Variants in TKTL2 observed in about 807,000 individuals in gnomAD.
TKTL2 encodes the protein transketolase like 2.
For synonymous variants in TKTL2, 259 were observed against 294.1 expected (o/e 0.88, Z 1.22); for missense variants, 825 against 799.4 (o/e 1.03, Z -0.39).
At position 163,472,134 on chromosome 4, in the gene TKTL2, C is replaced by G; in HGVS notation, c.1601G>C (p.Arg534Pro). ...DHLSQQGISV[R>P]VIDPFTIKPL... The stretch of plus-strand genomic sequence containing the variant: ...TTTAATGGTAAATGGGTCGATGACA[C>G]GGACAGAAATACCTTGTTGAGAAAG... Residue 534 changes from arginine (R) to proline (P), a missense_variant, in exon 1 of 1, where the codon CGT becomes CCT. By Grantham distance (103) the Arg-to-Pro change is moderately radical (BLOSUM62 -2). Coordinates refer to ENST00000280605, the MANE Select transcript of TKTL2 (RefSeq NM_032136.5). 6.2e-7 allele frequency: 1 copy of G among 1,614,140 alleles called. No homozygotes were observed. The highest frequency in any genetic ancestry group is 8.5e-7 in the Non-Finnish European group (1 of 1,180,038).
At position 163,473,582 on chromosome 4, in the gene TKTL2, G is replaced by A; in HGVS notation, c.153C>T (p.Val51=). ...SCCSAAEVVS[V]LFFHTMKYKQ... ...TATACTTCATCGTGTGGAAGAAGAG[G>A]ACAGACACGACCTCCGCTGCACTGC... The change falls in exon 1 of 1, where the codon GTC becomes GTT. Residue 51 remains valine, a synonymous_variant. Coordinates refer to ENST00000280605, the MANE Select transcript of TKTL2 (RefSeq NM_032136.5). 1 of 1,614,104 alleles carries A rather than the reference G, an allele frequency of 6.2e-7. No homozygotes were observed. The highest frequency in any genetic ancestry group is 8.5e-7 in the Non-Finnish European group (1 of 1,180,000).
At position 163,473,264 on chromosome 4, in the gene TKTL2, G is replaced by C. The variant is rs530284952; in HGVS notation, c.471C>G (p.Gly157=). ...SYRVFCLMGD[G]ESSEGSVWEA... ...CCCACACAGAGCCTTCTGAGGATTC[G>C]CCATCTCCCATAAGGCAGAACACCC... Residue 157 remains glycine (G), a synonymous_variant, in exon 1 of 1, where the codon GGC becomes GGG. Transcript: ENST00000280605. 6.2e-7 allele frequency: 1 copy of C among 1,613,804 alleles called. No individual in the cohort carries two copies. Among genetic ancestry groups the C allele is most frequent in the Non-Finnish European group, 8.5e-7 (1 of 1,179,976 alleles).
chr4:163,472,633 T>C lies in TKTL2; in HGVS notation c.1102A>G (p.Ile368Val). Residue 368 changes from isoleucine (I) to valine (V), a missense_variant, in exon 1 of 1, where the codon ATT (isoleucine) becomes GTT (valine). Ile to Val is a conservative substitution (Grantham distance 29). Coordinates refer to ENST00000280605, the MANE Select transcript of TKTL2 (RefSeq NM_032136.5). ...EHPERFIECI[I>V]AEQNMVSVAL... ...ACACTTACCATGTTTTGTTCAGCAA[T>C]AATACACTCTATGAAACGCTCAGGG... 2 of 1,614,220 alleles carry C rather than the reference T, an allele frequency of 1.2e-6. No individual in the cohort carries two copies. Among genetic ancestry groups the C allele is most frequent in the Non-Finnish European group, 1.7e-6 (2 of 1,180,042 alleles).
rs760651697 is a variant in TKTL2, at chr4:163,473,026, T to A, written c.709A>T (p.Asn237Tyr). Residue 237 changes from asparagine to tyrosine, a missense_variant, in exon 1 of 1, where the codon AAC becomes TAC. Transcript: ENST00000280605. ...TTGGCAACTATAGCAGTAGGCTTGT[T>A]CTTCACTTGACTTGCTTGCCAAAAT... Reference protein sequence around the residue: ...QAFWQASQVKNKPTAIVAKTF... With the variant: ...QAFWQASQVKYKPTAIVAKTF... The A allele has an allele frequency of 3.1e-6, 5 of 1,614,064 alleles. No individual in the cohort carries two copies. The highest frequency in any genetic ancestry group is 1.7e-5 in the Admixed American group (1 of 60,006).
Position 163,472,371 on chromosome 4 carries a change from G to A in TKTL2, c.1364C>T (p.Ala455Val). 1 of 1,601,538 alleles carries A rather than the reference G, an allele frequency of 6.2e-7. No individual in the cohort carries two copies. Among genetic ancestry groups the A allele is most frequent in the South Asian group, 1.1e-5 (1 of 88,564 alleles). ...PNCTVFYPSDAISTEHAIYLA... is the reference protein window; with the variant it reads ...PNCTVFYPSDVISTEHAIYLA... ...ATAAATAGCATGCTCTGTCGAGATG[G>A]CATCACTTGGATAGAAAACAGTACA... The change falls in exon 1 of 1, where the codon GCC becomes GTC. Residue 455 changes from alanine to valine, a missense_variant. Physicochemically the swap from Ala to Val is moderately conservative, Grantham distance 64 (BLOSUM62 0). Transcript: ENST00000280605.
chr4:163,472,655 A>C lies in TKTL2; in HGVS notation c.1080T>G (p.Pro360=). 6.2e-7 allele frequency: 1 copy of C among 1,614,196 alleles called. No homozygotes were observed. The highest frequency in any genetic ancestry group is 8.5e-7 in the Non-Finnish European group (1 of 1,180,028). The change falls in exon 1 of 1, where the codon CCT becomes CCG. Residue 360 remains proline (P), a synonymous_variant. Coordinates refer to ENST00000280605, the MANE Select transcript of TKTL2 (RefSeq NM_032136.5). ...TFSEIFRKEH[P]ERFIECIIAE... ...CAATAATACACTCTATGAAACGCTC[A>C]GGGTGTTCTTTCCTGAATATCTCAG... is the stretch of plus-strand genomic sequence containing the variant.
rs1205084713 is a variant in TKTL2, at chr4:163,472,204, CA to C, written c.1530del (p.Ile510MetfsTer11). ...GCTTCATGGAGAGTAACTCCAGCTC[CA>C]ATTACTGTGACTTTATCATTGACAC... Reference protein sequence around the residue: ...RHGVNDKVTVIGAGVTLHEAL... With the variant: ...RHGVNDKVTVXGAGVTLHEAL... On this transcript the variant is annotated frameshift_variant, in exon 1 of 1. Coordinates refer to ENST00000280605, the MANE Select transcript of TKTL2 (RefSeq NM_032136.5). LOFTEE classifies it low-confidence loss of function (END_TRUNC). The C allele has an allele frequency of 1.2e-6, 2 of 1,614,194 alleles. No homozygotes were observed. The highest frequency in any genetic ancestry group is 1.7e-6 in the Non-Finnish European group (2 of 1,180,036).
Position 163,473,391 on chromosome 4 carries a change from CG to C in TKTL2, c.343del (p.Arg115AspfsTer12). 1.9e-6 allele frequency: 3 copies of C among 1,613,840 alleles called. No individual in the cohort carries two copies. Among genetic ancestry groups the C allele is most frequent in the African/African-American group, 2.7e-5 (2 of 74,976 alleles). On this transcript the variant is annotated frameshift_variant, in exon 1 of 1. Transcript: ENST00000280605. LOFTEE classifies it low-confidence loss of function (END_TRUNC). Reference protein sequence around the residue: ...HSDLERHPTPRLPFVDVATGS... With the variant: ...HSDLERHPTPXLPFVDVATGS... ...TGTTGCCACGTCAACAAACGGCAAT[CG>C]GGGGGTAGGGTGTCTCTCCAAGTCG... is the stretch of plus-strand genomic sequence containing the variant.
chr4:163,472,825 C>A lies in TKTL2; in HGVS notation c.910G>T (p.Asp304Tyr). 1 of 1,566,210 alleles carries A rather than the reference C, an allele frequency of 6.4e-7. No individual in the cohort carries two copies. Among genetic ancestry groups the A allele is most frequent in the Non-Finnish European group, 8.6e-7 (1 of 1,158,912 alleles). Residue 304 changes from aspartate to tyrosine, a missense_variant, in exon 1 of 1, where the codon GAT becomes TAT. By Grantham distance (160) the Asp-to-Tyr change is radical (BLOSUM62 -3). Coordinates refer to ENST00000280605, the MANE Select transcript of TKTL2 (RefSeq NM_032136.5). The stretch of plus-strand genomic sequence containing the variant: ...GCAGGTGGGGAGGTCATTTTTATAT[C>A]TGTGATGCTTATTTGAGGTGAGTCT... ...VEDSPQISIT[D>Y]IKMTSPPAYK...
Position 163,473,343 on chromosome 4 carries a change from C to A in TKTL2, c.392G>T (p.Gly131Val). The A allele has an allele frequency of 6.2e-7, 1 of 1,614,028 alleles. No homozygotes were observed. The highest frequency in any genetic ancestry group is 8.5e-7 in the Non-Finnish European group (1 of 1,180,010). ...AGTATAAGCCATTCCACATGCAGTA[C>A]CTAATCCCTGACCTAGGGACCCTGT... ...VATGSLGQGL[G>V]TACGMAYTGK... The change falls in exon 1 of 1, where the codon GGT (glycine) becomes GTT (valine). Residue 131 changes from glycine (G) to valine (V), a missense_variant. Coordinates refer to ENST00000280605, the MANE Select transcript of TKTL2 (RefSeq NM_032136.5).
Position 163,473,577 on chromosome 4 carries a change from A to T in TKTL2, c.158T>A (p.Phe53Tyr). The T allele has an allele frequency of 6.2e-7, 1 of 1,614,118 alleles. No homozygotes were observed. The part of the protein sequence containing the change: ...CSAAEVVSVL[F>Y]FHTMKYKQTD... ...CTGTTTATACTTCATCGTGTGGAAG[A>T]AGAGGACAGACACGACCTCCGCTGC... is the stretch of plus-strand genomic sequence containing the variant. Residue 53 changes from phenylalanine (F) to tyrosine (Y), a missense_variant, in exon 1 of 1, where the codon TTC becomes TAC. By Grantham distance (22) the Phe-to-Tyr change is conservative. Coordinates refer to ENST00000280605, the MANE Select transcript of TKTL2 (RefSeq NM_032136.5).
chr4:163,473,314 T>C lies in TKTL2; in HGVS notation c.421A>G (p.Lys141Glu). The C allele has an allele frequency of 6.2e-7, 1 of 1,614,008 alleles. No individual in the cohort carries two copies. Among genetic ancestry groups the C allele is most frequent in the Non-Finnish European group, 8.5e-7 (1 of 1,180,006 alleles). The change falls in exon 1 of 1, where the codon AAG (lysine) becomes GAG (glutamate). Residue 141 changes from lysine (K) to glutamate (E), a missense_variant. By Grantham distance (56) the Lys-to-Glu change is moderately conservative. Coordinates refer to ENST00000280605, the MANE Select transcript of TKTL2 (RefSeq NM_032136.5). ...CGGTAGCTGGCCTTGTCAAGGTACT[T>C]GCCAGTATAAGCCATTCCACATGCA... ...GTACGMAYTGKYLDKASYRVF... is the reference protein window; with the variant it reads ...GTACGMAYTGEYLDKASYRVF...
Position 163,472,362 on chromosome 4 carries a change from G to A in TKTL2, c.1373C>T (p.Thr458Ile). Reference protein sequence around the residue: ...TVFYPSDAISTEHAIYLAANT... With the variant: ...TVFYPSDAISIEHAIYLAANT... Reference sequence around the variant, plus strand: ...GGCGGCTAGATAAATAGCATGCTCTGTCGAGATGGCATCACTTGGATAGAA... The same window carrying A: ...GGCGGCTAGATAAATAGCATGCTCTATCGAGATGGCATCACTTGGATAGAA... The change falls in exon 1 of 1, where the codon ACA becomes ATA. Residue 458 changes from threonine to isoleucine, a missense_variant. Coordinates refer to ENST00000280605, the MANE Select transcript of TKTL2 (RefSeq NM_032136.5). The A allele has an allele frequency of 6.2e-7, 1 of 1,600,588 alleles. No individual in the cohort carries two copies. The highest frequency in any genetic ancestry group is 1.1e-5 in the South Asian group (1 of 88,186).
In TKTL2 at chr4:163,472,499, G is replaced by C; in HGVS notation, c.1236C>G (p.Ala412=). The change falls in exon 1 of 1, where the codon GCC becomes GCG. Residue 412 remains alanine, a synonymous_variant. Transcript: ENST00000280605. ...AGTGGGAACCAATAAGGTTGATATT[G>C]GCTTGAGAAATGGCTCCCATTCGGA... ...DQLRMGAISQ[A]NINLIGSHCG... is the part of the protein sequence containing the mutation. 1 of 1,614,162 alleles carries C rather than the reference G, an allele frequency of 6.2e-7. No homozygotes were observed. Among genetic ancestry groups the C allele is most frequent in the Admixed American group, 1.7e-5 (1 of 60,018 alleles).
rs1279439288 is a variant in TKTL2 at position 163,473,554 on chromosome 4, G to C, written c.181C>G (p.Gln61Glu). The change falls in exon 1 of 1, where the codon CAG becomes GAG. Residue 61 changes from glutamine to glutamate, a missense_variant. Coordinates refer to ENST00000280605, the MANE Select transcript of TKTL2 (RefSeq NM_032136.5). ...VLFFHTMKYK[Q>E]TDPEHPDNDR... ...TTGTCCGGGTGTTCTGGGTCTGTCT[G>C]TTTATACTTCATCGTGTGGAAGAAG... 1.2e-6 allele frequency: 2 copies of C among 1,613,860 alleles called. No homozygotes were observed. The highest frequency in any genetic ancestry group is 1.7e-5 in the Admixed American group (1 of 60,010).
rs781415764 is a variant in TKTL2, at chr4:163,473,356, C to T, written c.379G>A (p.Gly127Ser). 2.5e-6 allele frequency: 4 copies of T among 1,613,796 alleles called. No homozygotes were observed. Among genetic ancestry groups the T allele is most frequent in the African/African-American group, 2.7e-5 (2 of 74,854 alleles). The change falls in exon 1 of 1, where the codon GGT becomes AGT. Residue 127 changes from glycine to serine, a missense_variant. Transcript: ENST00000280605. ...CCACATGCAGTACCTAATCCCTGAC[C>T]TAGGGACCCTGTTGCCACGTCAACA... is the stretch of plus-strand genomic sequence containing the variant. ...PFVDVATGSLGQGLGTACGMA... is the reference protein window; with the variant it reads ...PFVDVATGSLSQGLGTACGMA...
In TKTL2 at chr4:163,472,609, C is replaced by A. The variant is rs1002153177; in HGVS notation, c.1126G>T (p.Val376Leu). 6.2e-7 allele frequency: 1 copy of A among 1,614,242 alleles called. No homozygotes were observed. Among genetic ancestry groups the A allele is most frequent in the African/African-American group, 1.3e-5 (1 of 75,064 alleles). ...CIIAEQNMVS[V>L]ALGCATRGRT... ...CCACGTGTAGCACAGCCTAGTGCCA[C>A]ACTTACCATGTTTTGTTCAGCAATA... Residue 376 changes from valine to leucine, a missense_variant, in exon 1 of 1, where the codon GTG (valine) becomes TTG (leucine). Transcript: ENST00000280605.
At position 163,473,435 on chromosome 4, in the gene TKTL2, G is replaced by C. The variant is rs756221829; in HGVS notation, c.300C>G (p.Asn100Lys). 1.2e-5 allele frequency: 19 copies of C among 1,613,826 alleles called. No individual in the cohort carries two copies. Among genetic ancestry groups the C allele is most frequent in the Non-Finnish European group, 1.6e-5 (19 of 1,180,026 alleles). Reference protein sequence around the residue: ...VGDISESDLLNLRKLHSDLER... With the variant: ...VGDISESDLLKLRKLHSDLER... ...CCAAGTCGCTGTGAAGTTTCCTCAG[G>C]TTCAGCAAGTCAGATTCACTGATGT... is the stretch of plus-strand genomic sequence containing the variant. Residue 100 changes from asparagine to lysine, a missense_variant, in exon 1 of 1, where the codon AAC becomes AAG. Asn to Lys is a moderately conservative substitution (Grantham distance 94). Transcript: ENST00000280605.
In TKTL2 at chr4:163,473,334, C is replaced by T; in HGVS notation, c.401G>A (p.Cys134Tyr). 1 of 1,614,070 alleles carries T rather than the reference C, an allele frequency of 6.2e-7. No homozygotes were observed. Among genetic ancestry groups the T allele is most frequent in the Non-Finnish European group, 8.5e-7 (1 of 1,180,006 alleles). Reference sequence around the variant, plus strand: ...GTACTTGCCAGTATAAGCCATTCCACATGCAGTACCTAATCCCTGACCTAG... The same window carrying T: ...GTACTTGCCAGTATAAGCCATTCCATATGCAGTACCTAATCCCTGACCTAG... Reference protein sequence around the residue: ...GSLGQGLGTACGMAYTGKYLD... With the variant: ...GSLGQGLGTAYGMAYTGKYLD... Residue 134 changes from cysteine to tyrosine, a missense_variant, in exon 1 of 1, where the codon TGT becomes TAT. By Grantham distance (194) the Cys-to-Tyr change is radical (BLOSUM62 -2). Coordinates refer to ENST00000280605, the MANE Select transcript of TKTL2 (RefSeq NM_032136.5).
Sources: gnomAD v4.1 joint callset for allele counts on GRCh38, gnomAD v4.1.1 for gene constraint, MANE v1.5 for transcripts, NCBI Gene and HGNC (gene_info 2026-07-23, HGNC 2026-07-21) for gene names.